Variants in HCFC2 observed in about 807,000 individuals in gnomAD.
HCFC2 encodes host cell factor C2.
A neutral mutation model predicts 89.2 loss-of-function variants in HCFC2; 18 were observed. The ratio of observed to expected loss-of-function variants is 0.20; its 90% CI spans 0.14 to 0.30. The LOEUF (loss-of-function observed/expected upper bound fraction) is 0.30. Ranked by LOEUF, HCFC2 falls within the 10% of genes least tolerant of loss-of-function variation. HCFC2 has a pLI of 1.00. For synonymous variants in HCFC2, 308 were observed against 335.7 expected (o/e 0.92, Z 0.90); for missense variants, 578 against 956.1 (o/e 0.60, Z 5.21).
rs1883807091 is a variant in HCFC2 at position 104,085,452 on chromosome 12, ATGAC to A, written c.1064-1391_1064-1388del. On this transcript the variant is annotated intron_variant, in intron 7 of 14. Coordinates refer to ENST00000229330, the MANE Select transcript of HCFC2 (RefSeq NM_013320.3). ...CTGAAATTGGATGAAAAAAATGTGT[ATGAC>A]TGAATTTTTCTCTGTAGGGATTATA... Among the ~76,000 whole-genome samples, 5 of 152,172 alleles carry A rather than the reference ATGAC, an allele frequency of 3.3e-5. No homozygotes were observed. The South Asian group carries it at 8.3e-4, about 25-fold the overall frequency.
At chr12:104,093,330 G>A (rs1356288354) in intron 9 of HCFC2, 56 bp from the exon 10 acceptor site, 3 of 1,219,028 alleles carry the variant, frequency 2.5e-6, no homozygotes, top group Non-Finnish European at 3.4e-6. Flanking sequence ...TTTTTTACAT[G>A]TATTTGTATT....
At chr12:104,072,438 T>G (rs1265566351) in intron 3 of HCFC2, among the ~76,000 whole-genome samples, 1 of 152,104 alleles carries the variant, frequency 6.6e-6, no homozygotes, top group Non-Finnish European at 1.5e-5. Context: ...TTTCACTGAT[T>G]ATATATCAGT....
At chr12:104,101,625 T>G (rs1194757776) in intron 13 of HCFC2, among the ~76,000 whole-genome samples, 1 of 152,208 alleles carries the variant, frequency 6.6e-6, no homozygotes, top group East Asian at 1.9e-4. Flanking sequence ...TCAAGATAAG[T>G]TTACATGATG....
intron 5 of HCFC2, 97 bp downstream of exon 5, chr12:104,080,927 T>C: frequency 1.4e-6 from 1 of 721,166 alleles, no homozygotes; most frequent in Non-Finnish European, 2.3e-6. Flanking sequence ...TGGAAATAGA[T>C]TATGAAACTT....
intron 13 of HCFC2, among the ~76,000 whole-genome samples, chr12:104,100,993 C>T (rs1296769953): frequency 1.3e-5 from 2 of 152,186 alleles, no homozygotes; most frequent in Non-Finnish European, 2.9e-5. Context: ...CTCTTAGATT[C>T]AGTTTCCTCA....
intron 7 of HCFC2, among the ~76,000 whole-genome samples, chr12:104,083,864 C>T (rs894481919): frequency 1.3e-5 from 2 of 151,922 alleles, no homozygotes; most frequent in African/African-American, 4.8e-5. Flanking sequence ...TCATCTCTAC[C>T]AAACAAAAAA....
intron 3 of HCFC2, among the ~76,000 whole-genome samples, chr12:104,072,580 T>G (rs1237149382): frequency 6.6e-6 from 1 of 152,118 alleles, no homozygotes; most frequent in Non-Finnish European, 1.5e-5. Flanking sequence ...TGTTGCTCTT[T>G]CTAATTTTGG....
At chr12:104,090,302 G>A (rs190596858) in intron 9 of HCFC2, among the ~76,000 whole-genome samples, 41 of 152,248 alleles carry the variant, frequency 2.7e-4, no homozygotes, top group Non-Finnish European at 4.9e-4. Context: ...GTATTGAAAA[G>A]TGTGATGCCA....
intron 10 of HCFC2, among the ~76,000 whole-genome samples, chr12:104,094,335 G>A (rs1884115232): frequency 1.3e-5 from 2 of 152,216 alleles, no homozygotes; most frequent in African/African-American, 4.8e-5. Flanking sequence ...CTAGCACCTG[G>A]TACAGTGTCC....
chr12:104,088,944 TC>T (rs1163955344), intron 9 of HCFC2, among the ~76,000 whole-genome samples: 2 of 152,164 alleles, frequency 1.3e-5, no homozygotes, highest in Non-Finnish European at 2.9e-5. Flanking sequence ...TGATTTCTGT[TC>T]CCTAGAAGCA....
In HCFC2 at chr12:104,095,250, A is replaced by C. The variant is rs1884139976; in HGVS notation, c.1463-110A>C. 1 of 762,726 alleles carries C rather than the reference A, an allele frequency of 1.3e-6. No homozygotes were observed. 47.2% of individuals were successfully genotyped at this position (762,726 alleles called of 1,614,324 possible). On this transcript the variant is annotated intron_variant, in intron 10 of 14. Coordinates refer to ENST00000229330, the MANE Select transcript of HCFC2 (RefSeq NM_013320.3). This position sits in a 1 kb window ranked among gnomAD's most constrained non-coding sequence, Gnocchi z 4.2. The stretch of plus-strand genomic sequence containing the variant: ...CATACTAATACCATTTGTGGTGCTC[A>C]TGTATGATTTTAAAACTGAAAGTAC...
intron 9 of HCFC2, 135 bp from the exon 10 acceptor site, chr12:104,093,251 T>G: frequency 1.8e-6 from 1 of 563,260 alleles, no homozygotes; most frequent in Non-Finnish European, 3.0e-6. Context: ...CCTGTAGAAA[T>G]TAATAATGTA....
intron 5 of HCFC2, among the ~76,000 whole-genome samples, chr12:104,081,062 T>C (rs1883668051): frequency 6.6e-6 from 1 of 152,252 alleles, no homozygotes; most frequent in Admixed American, 6.5e-5. Flanking sequence ...CCCTGCCCAG[T>C]GTAGGCTTTA....
At chr12:104,073,066 TA>T (rs1346508092) in intron 3 of HCFC2, among the ~76,000 whole-genome samples, 1 of 152,140 alleles carries the variant, frequency 6.6e-6, no homozygotes, top group African/African-American at 2.4e-5. Context: ...TTCTAATATT[TA>T]AATGGATTTC....
chr12:104,067,932 C>T lies in HCFC2; in HGVS notation c.313-15C>T. 6.4e-7 allele frequency: 1 copy of T among 1,568,644 alleles called. No homozygotes were observed. Among genetic ancestry groups the T allele is most frequent in the Non-Finnish European group, 8.6e-7 (1 of 1,164,326 alleles). On this transcript the variant is annotated splice_polypyrimidine_tract_variant and intron_variant, in intron 2 of 14. Transcript: ENST00000229330. ...TGATTTTGTCTGACTGTATTTGTGC[C>T]CTTTTTTTTTTTAGGCAAGTCGTTG...
chr12:104,096,132 T>C (rs1348113711), intron 11 of HCFC2, among the ~76,000 whole-genome samples: 1 of 152,112 alleles, frequency 6.6e-6, no homozygotes, highest in Non-Finnish European at 1.5e-5. Context: ...AAAAATGAAG[T>C]TTATGAATTG....
intron 10 of HCFC2, among the ~76,000 whole-genome samples, chr12:104,094,433 ATGATCTATGCC>A (rs942463528): frequency 9.2e-5 from 14 of 152,296 alleles, no homozygotes; most frequent in African/African-American, 3.4e-4. Flanking sequence ...TTTGTGAGGC[ATGATCTATGCC>A]TGCCTTATTT....
At chr12:104,086,390 T>G (rs1321229313) in intron 7 of HCFC2, among the ~76,000 whole-genome samples, 1 of 152,220 alleles carries the variant, frequency 6.6e-6, no homozygotes, top group East Asian at 1.9e-4. Context: ...GGCTGAAAAT[T>G]GGCTCATAAA....
Position 104,096,379 on chromosome 12 carries a change from G to T in HCFC2, c.1686G>T (p.Leu562=), listed in dbSNP as rs755701143. The T allele has an allele frequency of 1.9e-6, 3 of 1,604,986 alleles. No individual in the cohort carries two copies. The South Asian group carries it at 3.4e-5, about 18-fold the overall frequency. Residue 562 remains leucine (L), a synonymous_variant, in exon 12 of 15, where the codon CTG becomes CTT. Coordinates refer to ENST00000229330, the MANE Select transcript of HCFC2 (RefSeq NM_013320.3). ...TTTTAGTTGATGAAACATATGCACT[G>T]CCTGCAACGAAGATCAGCCGTGTAG... ...TKSEVDETYA[L]PATKISRVET... is the part of the protein sequence containing the mutation.
Sources: gnomAD v4.1 joint callset for allele counts (sites outside exome capture counted in the v4.1 genomes callset) on GRCh38, gnomAD v4.1.1 for gene constraint, Gnocchi (gnomAD v3.1) non-coding constraint, MANE v1.5 for transcripts, NCBI Gene and HGNC (gene_info 2026-07-23, HGNC 2026-07-21) for gene names.